STN1: variants seen among roughly 807,000 people sequenced by gnomAD.
STN1 encodes the protein STN1 subunit of CST complex.
Under a neutral mutation model 45.5 loss-of-function variants are expected in STN1, and 29 were observed. That is an observed-to-expected ratio of 0.64 (90% CI 0.47 to 0.87). The LOEUF (loss-of-function observed/expected upper bound fraction) is 0.87, where lower values mean the gene tolerates loss of function less well. STN1 is among the 40% of genes least tolerant of loss of function. The probability of loss-of-function intolerance (pLI) is 0.00; values close to 1 mark genes in which losing one functional copy is unlikely to be tolerated. For missense variants in STN1, 376 were observed against 441.4 expected (o/e 0.85, Z 1.33); for synonymous variants, 148 against 159.0 (o/e 0.93, Z 0.52).
intron 3 of STN1, among the ~76,000 whole-genome samples, chr10:103,905,626 C>T (rs1175159353): frequency 3.3e-5 from 5 of 152,178 alleles, no homozygotes. Context: ...AGTCTCTTTG[C>T]TAGTGTGCTG....
intron 4 of STN1, among the ~76,000 whole-genome samples, chr10:103,900,440 G>A (rs923385649): frequency 6.6e-6 from 1 of 152,114 alleles, no homozygotes; most frequent in Non-Finnish European, 1.5e-5. Context: ...TGAAAGGAAC[G>A]GAGTCTAGAC....
intron 7 of STN1, among the ~76,000 whole-genome samples, chr10:103,892,881 G>A (rs947320900): frequency 1.3e-5 from 2 of 152,120 alleles, no homozygotes; most frequent in Non-Finnish European, 2.9e-5. Context: ...CTGGAGACAC[G>A]TTTGCCTGGG....
At chr10:103,892,533 C>G (rs1843146548) in intron 7 of STN1, among the ~76,000 whole-genome samples, 1 of 151,882 alleles carries the variant, frequency 6.6e-6, no homozygotes, top group Non-Finnish European at 1.5e-5. Context: ...AAAAGCTACC[C>G]TCACTGTTGG....
At chr10:103,917,371 T>G (rs1388383206) in intron 2 of STN1, 91 bp downstream of exon 2, 2 of 1,247,828 alleles carry the variant, frequency 1.6e-6, no homozygotes, top group Middle Eastern at 2.8e-4. Context: ...CAGGGAAGGC[T>G]CTCCTAAAAG....
chr10:103,896,724 C>A (rs1843173417), intron 7 of STN1, among the ~76,000 whole-genome samples: 1 of 151,776 alleles, frequency 6.6e-6, no homozygotes, highest in Non-Finnish European at 1.5e-5. Context: ...TTAGTAGAGA[C>A]AAGATTTCAC....
intron 3 of STN1, among the ~76,000 whole-genome samples, chr10:103,909,468 A>ATG (rs1158960702): frequency 0.11 from 7,522 of 69,032 alleles, 1,312 homozygotes; most frequent in East Asian, 0.4. Flanking sequence ...ATGTATATAT[A>ATG]TGTATATATG....
At chr10:103,898,782 C>T (rs775525819) in intron 6 of STN1, 95 bp downstream of exon 6, 264 of 1,455,966 alleles carry the variant, frequency 1.8e-4, no homozygotes, top group Non-Finnish European at 1.2e-4. Flanking sequence ...GTGGATGATT[C>T]GGGATTTGAA....
chr10:103,909,398 GTA>G lies in STN1; in HGVS notation c.229+1127_229+1128del, dbSNP rs1288298715. 7.7e-4 allele frequency among the ~76,000 whole-genome samples: 49 copies of G among 63,386 alleles called. 2 individuals are homozygous for G. The highest frequency in any genetic ancestry group is 1.5e-3 in the African/African-American group (28 of 18,386). The allele number at this position is 63,386 out of a possible 152,430, so 41.6% of individuals were successfully genotyped here. On this transcript the variant is annotated intron_variant, in intron 3 of 9. Coordinates refer to ENST00000224950, the MANE Select transcript of STN1 (RefSeq NM_024928.5). The stretch of plus-strand genomic sequence containing the variant: ...TATATATGTATATATATGTATATAT[GTA>G]TATATATGTATATATGTATATATGT...
intron 2 of STN1, among the ~76,000 whole-genome samples, chr10:103,914,084 C>T (rs1313304762): frequency 6.6e-6 from 1 of 151,980 alleles, no homozygotes; most frequent in East Asian, 1.9e-4. Context: ...GTTATTTAAT[C>T]GATGCTATGT....
chr10:103,878,758 C>G lies in STN1; in HGVS notation c.*3926G>C, dbSNP rs1843047225. On this transcript the variant is annotated 3_prime_UTR_variant, in exon 10 of 10. Transcript: ENST00000224950. ...TGTATAATTATTCATCCAGCATTTC[C>G]CAAATATATTTGTGAACATAGTGTT... is the stretch of plus-strand genomic sequence containing the variant. 1 of 152,156 alleles carries G rather than the reference C, an allele frequency of 6.6e-6. No homozygotes were observed. The highest frequency in any genetic ancestry group is 1.5e-5 in the Non-Finnish European group (1 of 68,030). 9.4% of individuals were successfully genotyped at this position (152,156 alleles called of 1,614,324 possible).
intron 6 of STN1, among the ~76,000 whole-genome samples, chr10:103,898,656 T>A (rs1843187219): frequency 6.6e-6 from 1 of 152,252 alleles, no homozygotes; most frequent in African/African-American, 2.4e-5. Flanking sequence ...ATTACACCCA[T>A]AATTTCCTCA....
At chr10:103,895,936 T>C (rs1843168137) in intron 7 of STN1, among the ~76,000 whole-genome samples, 1 of 152,160 alleles carries the variant, frequency 6.6e-6, no homozygotes, top group African/African-American at 2.4e-5. Flanking sequence ...CTGTGAGACA[T>C]ACGTCAATGA....
In STN1 at chr10:103,892,259, A is replaced by G. The variant is rs902959549; in HGVS notation, c.754-7T>C. On this transcript the variant is annotated splice_polypyrimidine_tract_variant and splice_region_variant and intron_variant, in intron 7 of 9. Coordinates refer to ENST00000224950, the MANE Select transcript of STN1 (RefSeq NM_024928.5). ...TGTCCTTCTTAAAATTCACCTGTAAAGAGAGGAAAAAGAAAAAAGAAAAGA... is the reference window on the plus strand; with the variant it reads ...TGTCCTTCTTAAAATTCACCTGTAAGGAGAGGAAAAAGAAAAAAGAAAAGA... 1.3e-5 allele frequency: 21 copies of G among 1,585,952 alleles called. No homozygotes were observed. Among genetic ancestry groups the G allele is most frequent in the Non-Finnish European group, 1.8e-5 (21 of 1,172,826 alleles).
chr10:103,914,363 TATATATA>T (rs1470977972), intron 2 of STN1, among the ~76,000 whole-genome samples: 733 of 17,246 alleles, frequency 0.043, 45 homozygotes, highest in East Asian at 0.11. Flanking sequence ...TATATATATA[TATATATA>T]TATATTTTTT....
chr10:103,911,278 G>T (rs1197211664), intron 2 of STN1, among the ~76,000 whole-genome samples: 1 of 152,024 alleles, frequency 6.6e-6, no homozygotes, highest in Non-Finnish European at 1.5e-5. Flanking sequence ...TTCTGACTTG[G>T]GGCCAGGACA....
rs1416450981 is a variant in STN1, at chr10:103,897,687, G to A, written c.614C>T (p.Thr205Met). 5.6e-6 allele frequency: 9 copies of A among 1,614,194 alleles called. No individual in the cohort carries two copies. The highest frequency in any genetic ancestry group is 2.2e-5 in the East Asian group (1 of 44,880). ...NPGALDLPSL[T>M]SLLSEKAKEF... Reference sequence around the variant, plus strand: ...TTTGGCTTTTTCACTCAGCAAACTCGTGAGACTGGGGAGGTCCAGGGCGCC... The same window carrying A: ...TTTGGCTTTTTCACTCAGCAAACTCATGAGACTGGGGAGGTCCAGGGCGCC... The change falls in exon 7 of 10, where the codon ACG becomes ATG. Residue 205 changes from threonine (T) to methionine (M), a missense_variant. Physicochemically the swap from Thr to Met is moderately conservative, Grantham distance 81. Transcript: ENST00000224950.
chr10:103,903,332 T>C (rs1843221448), intron 4 of STN1, among the ~76,000 whole-genome samples: 1 of 152,216 alleles, frequency 6.6e-6, no homozygotes, highest in Non-Finnish European at 1.5e-5. Flanking sequence ...ACCTTCTGAC[T>C]GAAGATTGTG....
At chr10:103,883,627 A>G (rs530959308) in intron 9 of STN1, among the ~76,000 whole-genome samples, 41 of 152,284 alleles carry the variant, frequency 2.7e-4, no homozygotes, top group Non-Finnish European at 4.9e-4. Context: ...CTATTGGCAC[A>G]AGTAGTTATA....
chr10:103,917,565 C>T lies in STN1; in HGVS notation c.30G>A (p.Glu10=), dbSNP rs1480570291. MQPGSSRCE[E]ETPSLLWGLD... The stretch of plus-strand genomic sequence containing the variant: ...AACCCCACAAGAGGGAAGGGGTCTC[C>T]TCTTCACACCGGCTGGATCCAGGCT... Residue 10 remains glutamate, a synonymous_variant, in exon 2 of 10, where the codon GAG becomes GAA. Coordinates refer to ENST00000224950, the MANE Select transcript of STN1 (RefSeq NM_024928.5). 12 of 1,614,080 alleles carry T rather than the reference C, an allele frequency of 7.4e-6. No homozygotes were observed. Among genetic ancestry groups the T allele is most frequent in the Non-Finnish European group, 1.7e-6 (2 of 1,180,028 alleles).
Sources: allele counts gnomAD v4.1 joint callset (sites outside exome capture counted in the v4.1 genomes callset), GRCh38; gene constraint gnomAD v4.1.1; transcripts MANE v1.5; gene names NCBI Gene and HGNC (gene_info 2026-07-23, HGNC 2026-07-21).